Variants in NR5A2 observed in about 807,000 individuals in gnomAD.
NR5A2 encodes nuclear receptor subfamily 5 group A member 2.
In NR5A2, 26 loss-of-function variants were observed where a neutral mutation model predicts 62.7. The ratio of observed to expected loss-of-function variants is 0.41; its 90% CI spans 0.30 to 0.58. NR5A2 has a LOEUF of 0.58. NR5A2 is among the 20% of genes least tolerant of loss of function. The pLI, the probability that NR5A2 is intolerant of heterozygous loss-of-function variation, is 0.22. For missense variants in NR5A2, 541 were observed against 669.1 expected (o/e 0.81, Z 2.11); for synonymous variants, 246 against 241.7 (o/e 1.02, Z -0.16).
chr1:200,067,972 T>C, intron 5 of NR5A2, among the ~76,000 whole-genome samples: 1 of 152,224 alleles, frequency 6.6e-6, no homozygotes, highest in Admixed American at 6.5e-5. Flanking sequence ...ATATTACCTT[T>C]AAAGGTATTT....
intron 5 of NR5A2, among the ~76,000 whole-genome samples, chr1:200,086,132 T>C (rs1239311720): frequency 6.6e-6 from 1 of 152,180 alleles, no homozygotes. Context: ...TGGTTTGAGT[T>C]AGGGTGGAGA....
At chr1:200,099,510 T>G (rs1665265661) in intron 5 of NR5A2, among the ~76,000 whole-genome samples, 1 of 152,158 alleles carries the variant, frequency 6.6e-6, no homozygotes, top group Admixed American at 6.5e-5. Flanking sequence ...TTTTACAAGC[T>G]GGAGGGCAAC....
intron 5 of NR5A2, among the ~76,000 whole-genome samples, chr1:200,071,189 CCAAA>C (rs764193835): frequency 6.9e-4 from 105 of 152,220 alleles, no homozygotes; most frequent in Middle Eastern, 3.4e-3. Flanking sequence ...ATGTACCAGA[CCAAA>C]CACTTTCAAA....
intron 7 of NR5A2, among the ~76,000 whole-genome samples, chr1:200,156,819 A>G (rs1653410092): frequency 6.6e-6 from 1 of 152,216 alleles, no homozygotes; most frequent in Non-Finnish European, 1.5e-5. Flanking sequence ...AAGTATTCTG[A>G]GCACATTTAA....
intron 5 of NR5A2, among the ~76,000 whole-genome samples, chr1:200,095,644 C>T (rs903977983): frequency 2.0e-5 from 3 of 151,980 alleles, no homozygotes; most frequent in African/African-American, 7.3e-5. Context: ...GCTCCACCTC[C>T]TGGGTTCACG....
chr1:200,144,490 C>G (rs1483893736), intron 7 of NR5A2, among the ~76,000 whole-genome samples: 1 of 152,192 alleles, frequency 6.6e-6, no homozygotes, highest in Non-Finnish European at 1.5e-5. Flanking sequence ...AAACAACCCC[C>G]AGTCTTTCAA....
intron 7 of NR5A2, among the ~76,000 whole-genome samples, chr1:200,159,336 TC>T (rs1364855578): frequency 6.6e-6 from 1 of 152,204 alleles, no homozygotes; most frequent in Non-Finnish European, 1.5e-5. Flanking sequence ...TCCAGATGTT[TC>T]CCTTCATTCA....
intron 5 of NR5A2, among the ~76,000 whole-genome samples, chr1:200,056,893 G>A (rs1437096310): frequency 6.6e-6 from 1 of 152,148 alleles, no homozygotes; most frequent in Non-Finnish European, 1.5e-5. Flanking sequence ...AATCTGAACA[G>A]TGAGAGTAGG....
At chr1:200,116,909 A>G (rs989596287) in intron 6 of NR5A2, among the ~76,000 whole-genome samples, 3 of 152,206 alleles carry the variant, frequency 2.0e-5, no homozygotes, top group African/African-American at 7.2e-5. Flanking sequence ...GCTAATTAAC[A>G]GCCACTGTAA....
chr1:200,085,608 C>T (rs144088818), intron 5 of NR5A2, among the ~76,000 whole-genome samples: 1 of 147,208 alleles, frequency 6.8e-6, no homozygotes, highest in Admixed American at 6.9e-5. Context: ...TATCTGGATA[C>T]AGAGAGATGG....
At chr1:200,140,708 G>A (rs1354559658) in intron 7 of NR5A2, among the ~76,000 whole-genome samples, 1 of 152,072 alleles carries the variant, frequency 6.6e-6, no homozygotes, top group African/African-American at 2.4e-5. Context: ...TTCTCCAATG[G>A]CAACATCTCA....
At chr1:200,091,693 G>A (rs1664823820) in intron 5 of NR5A2, among the ~76,000 whole-genome samples, 2 of 151,988 alleles carry the variant, frequency 1.3e-5, no homozygotes, top group Admixed American at 6.6e-5. Flanking sequence ...CCATGTTGGT[G>A]AGGATGGTCT....
intron 5 of NR5A2, among the ~76,000 whole-genome samples, chr1:200,097,645 G>A (rs1234265226): frequency 6.6e-6 from 1 of 152,176 alleles, no homozygotes; most frequent in African/African-American, 2.4e-5. Context: ...TAAAGGAAAG[G>A]CTATCTAGAA....
intron 1 of NR5A2, among the ~76,000 whole-genome samples, chr1:200,037,913 T>C (rs1203468984): frequency 6.6e-6 from 1 of 152,252 alleles, no homozygotes; most frequent in Non-Finnish European, 1.5e-5. Context: ...AATTTCCAAG[T>C]CACCAAATAC....
In NR5A2 at chr1:200,039,550, G is replaced by A. The variant is rs1661954452; in HGVS notation, c.65-108G>A. On this transcript the variant is annotated intron_variant, in intron 1 of 7. Coordinates refer to ENST00000367362, the MANE Select transcript of NR5A2 (RefSeq NM_205860.3). This position sits in a 1 kb window ranked among gnomAD's most constrained non-coding sequence, Gnocchi z 5.1. Reference sequence around the variant, plus strand: ...CTCAGAGGTCCTGCCCGGCAGCCCCGAGGAGGCGGAGGCACGCTCCGGCGA... The same window carrying A: ...CTCAGAGGTCCTGCCCGGCAGCCCCAAGGAGGCGGAGGCACGCTCCGGCGA... 2 of 1,531,708 alleles carry A rather than the reference G, an allele frequency of 1.3e-6. No homozygotes were observed. The highest frequency in any genetic ancestry group is 1.2e-5 in the South Asian group (1 of 84,850). 94.9% of individuals were successfully genotyped at this position (1,531,708 alleles called of 1,614,324 possible).
chr1:200,126,614 A>G (rs1177976131), intron 7 of NR5A2, among the ~76,000 whole-genome samples: 3 of 152,186 alleles, frequency 2.0e-5, no homozygotes, highest in Non-Finnish European at 4.4e-5. Flanking sequence ...ATGGATAACT[A>G]TTAGAGGATT....
At chr1:200,111,344 A>AC in intron 6 of NR5A2, 23 bp downstream of exon 6, 1 of 1,586,682 alleles carries the variant, frequency 6.3e-7, no homozygotes, top group East Asian at 2.2e-5. Flanking sequence ...ACCAAAAAAA[A>AC]AAAAAAAGCA....
rs922617871 is a variant in NR5A2, at chr1:200,094,182, GT to G, written c.1111-17009del. 4.3e-4 allele frequency among the ~76,000 whole-genome samples: 30 copies of G among 70,510 alleles called. No individual in the cohort carries two copies. In the East Asian group the frequency reaches 7.3e-3, roughly 17 times the overall value. 46.3% of individuals were successfully genotyped at this position (70,510 alleles called of 152,430 possible). On this transcript the variant is annotated intron_variant, in intron 5 of 7. Coordinates refer to ENST00000367362, the MANE Select transcript of NR5A2 (RefSeq NM_205860.3). ...AGACGCTGTCTCAAAAAAAAAATTG[GT>G]TTTTTTTTTTCTTTTTTTGGAGACA...
intron 6 of NR5A2, among the ~76,000 whole-genome samples, chr1:200,115,614 G>A (rs1666179116): frequency 6.6e-6 from 1 of 152,120 alleles, no homozygotes; most frequent in South Asian, 2.1e-4. Context: ...ATTAGACACA[G>A]CTCTGCAGCC....
Sources: allele counts gnomAD v4.1 joint callset (sites outside exome capture counted in the v4.1 genomes callset), GRCh38; gene constraint gnomAD v4.1.1; non-coding constraint Gnocchi (gnomAD v3.1); transcripts MANE v1.5; gene names NCBI Gene and HGNC (gene_info 2026-07-23, HGNC 2026-07-21).